Variants in COPB1 observed in about 807,000 individuals in gnomAD.
COPB1 encodes coat protein complex I subunit beta 1.
In COPB1, 21 loss-of-function variants were observed where a neutral mutation model predicts 108.7. That is an observed-to-expected ratio of 0.19 (90% confidence interval 0.14 to 0.28). The LOEUF (loss-of-function observed/expected upper bound fraction) is 0.28, where lower values mean the gene tolerates loss of function less well. Ranked by LOEUF, COPB1 falls within the 10% of genes least tolerant of loss-of-function variation. COPB1 has a pLI of 1.00. For missense variants in COPB1, 919 were observed against 1,141.3 expected (o/e 0.81, Z 2.81); for synonymous variants, 378 against 386.8 (o/e 0.98, Z 0.27).
chr11:14,490,680 CT>C lies in COPB1; in HGVS notation c.492-2del, dbSNP rs1850878927. ...ATCAGGTATAAGATGTTCAAAATTT[CT>C]TTAAATAAAACAGGTAACATCCATA... On this transcript the variant is annotated splice_acceptor_variant, in intron 4 of 21. Transcript: ENST00000439561. LOFTEE classifies it high-confidence loss of function. 6.4e-7 allele frequency: 1 copy of C among 1,574,432 alleles called. No individual in the cohort carries two copies. Among genetic ancestry groups the C allele is most frequent in the African/African-American group, 1.4e-5 (1 of 73,800 alleles).
At chr11:14,463,393 C>G (rs1850202627) in intron 18 of COPB1, among the ~76,000 whole-genome samples, 1 of 152,246 alleles carries the variant, frequency 6.6e-6, no homozygotes. Flanking sequence ...TCTCGGCTCA[C>G]TGTAACCTCT....
chr11:14,486,357 T>A lies in COPB1; in HGVS notation c.837+10A>T. ...TCATCTAATCTGGCCCCAAAAGAAA[T>A]ACACAGTACCTTGATTGCAGTTGGT... On this transcript the variant is annotated intron_variant, in intron 7 of 21. Coordinates refer to ENST00000439561, the MANE Select transcript of COPB1 (RefSeq NM_001144061.2). 3 of 1,613,570 alleles carry A rather than the reference T, an allele frequency of 1.9e-6. No homozygotes were observed. Among genetic ancestry groups the A allele is most frequent in the Non-Finnish European group, 2.5e-6 (3 of 1,179,812 alleles).
Position 14,481,091 on chromosome 11 carries a change from C to A in COPB1, c.964G>T (p.Val322Phe). ...CTCAATACTCTTAGGATATCCATAA[C>A]CAGATCCTAAAAAAGAAGAAAAAAT... ...PAHERVLQDL[V>F]MDILRVLSTP... The change falls in exon 9 of 22, where the codon GTT becomes TTT. Residue 322 changes from valine to phenylalanine, a missense_variant. Around this residue, in one of 5 missense-constraint regions of COPB1, gnomAD observed 705 missense variants for 817.8 expected, o/e 0.86. Coordinates refer to ENST00000439561, the MANE Select transcript of COPB1 (RefSeq NM_001144061.2). 6.2e-7 allele frequency: 1 copy of A among 1,602,496 alleles called. No homozygotes were observed. Among genetic ancestry groups the A allele is most frequent in the Non-Finnish European group, 8.5e-7 (1 of 1,176,530 alleles).
chr11:14,469,409 A>G lies in COPB1; in HGVS notation c.1892T>C (p.Phe631Ser), dbSNP rs2134100940. The change falls in exon 15 of 22, where the codon TTC becomes TCC. Residue 631 changes from phenylalanine (F) to serine (S), a missense_variant. This residue lies in a region of COPB1 where 705 missense variants were observed against 817.8 expected (regional missense o/e 0.86). Coordinates refer to ENST00000439561, the MANE Select transcript of COPB1 (RefSeq NM_001144061.2). ...SECSPLMNDI[F>S]NKECRQSLSH... The stretch of plus-strand genomic sequence containing the variant: ...AAGGGACTGTCTGCATTCCTTATTG[A>G]AAATGTCATTCATTAAAGGTGAACA... 1 of 1,614,182 alleles carries G rather than the reference A, an allele frequency of 6.2e-7. No homozygotes were observed. The highest frequency in any genetic ancestry group is 8.5e-7 in the Non-Finnish European group (1 of 1,180,016).
Position 14,465,004 on chromosome 11 carries a change from A to G in COPB1, c.2317T>C (p.Ser773Pro). ...TCATGAGGAGCAAGAGTCAAAGGAGACGGCTTTTCCACAAGTTTCAGATCC... is the reference window on the plus strand; with the variant it reads ...TCATGAGGAGCAAGAGTCAAAGGAGGCGGCTTTTCCACAAGTTTCAGATCC... Reference protein sequence around the residue: ...LGDLKLVEKPSPLTLAPHDFA... With the variant: ...LGDLKLVEKPPPLTLAPHDFA... The change falls in exon 18 of 22, where the codon TCT becomes CCT. Residue 773 changes from serine to proline, a missense_variant. Physicochemically the swap from Ser to Pro is moderately conservative, Grantham distance 74. Around this residue, in one of 5 missense-constraint regions of COPB1, gnomAD observed 705 missense variants for 817.8 expected, o/e 0.86. Transcript: ENST00000439561. 6.2e-7 allele frequency: 1 copy of G among 1,612,196 alleles called. No individual in the cohort carries two copies. Among genetic ancestry groups the G allele is most frequent in the Non-Finnish European group, 8.5e-7 (1 of 1,179,158 alleles).
At chr11:14,493,503 C>A in intron 4 of COPB1, 139 bp downstream of exon 4, 1 of 634,950 alleles carries the variant, frequency 1.6e-6, no homozygotes, top group Non-Finnish European at 2.4e-6. Context: ...TTTCAATGTT[C>A]ATAATAAAAA....
In COPB1 at chr11:14,495,561, G is replaced by A. The variant is rs144105655; in HGVS notation, c.92-1122C>T. 2.4e-3 allele frequency among the ~76,000 whole-genome samples: 368 copies of A among 152,208 alleles called. 2 individuals are homozygous for A. The highest frequency in any genetic ancestry group is 8.5e-3 in the African/African-American group (353 of 41,538). ...GTATTTTTACTAGAGATGGGGTTTC[G>A]CCATGTTGGCCACGCTGGTCTCGAA... On this transcript the variant is annotated intron_variant, in intron 2 of 21. Coordinates refer to ENST00000439561, the MANE Select transcript of COPB1 (RefSeq NM_001144061.2).
intron 2 of COPB1, among the ~76,000 whole-genome samples, chr11:14,495,150 G>T (rs538863694): frequency 3.3e-5 from 5 of 152,100 alleles, no homozygotes; most frequent in Non-Finnish European, 5.9e-5. Context: ...AGTATTTTAC[G>T]CAAAACTATC....
Position 14,481,019 on chromosome 11 carries a change from C to T in COPB1, c.1036G>A (p.Asp346Asn). 1.9e-6 allele frequency: 3 copies of T among 1,613,938 alleles called. No individual in the cohort carries two copies. The highest frequency in any genetic ancestry group is 2.5e-6 in the Non-Finnish European group (3 of 1,179,948). Residue 346 changes from aspartate (D) to asparagine (N), a missense_variant, in exon 9 of 22, where the codon GAT becomes AAT. Around this residue, in one of 5 missense-constraint regions of COPB1, gnomAD observed 705 missense variants for 817.8 expected, o/e 0.86. Transcript: ENST00000439561. ...TCAACATTTCTAGAAGAGACAAGAT[C>T]CAGTGCTAACTGCAGAGTTTTCTTT... Reference protein sequence around the residue: ...VRKKTLQLALDLVSSRNVEEL... With the variant: ...VRKKTLQLALNLVSSRNVEEL...
At chr11:14,495,379 T>C (rs1450972471) in intron 2 of COPB1, among the ~76,000 whole-genome samples, 2 of 152,168 alleles carry the variant, frequency 1.3e-5, no homozygotes, top group African/African-American at 2.4e-5. Flanking sequence ...CTACAACTAA[T>C]GGGTAGTAGT....
At chr11:14,491,186 AG>A (rs961740179) in intron 4 of COPB1, among the ~76,000 whole-genome samples, 5 of 152,126 alleles carry the variant, frequency 3.3e-5, no homozygotes, top group African/African-American at 1.2e-4. Context: ...CTGGGACTAC[AG>A]GCACGTGCCA....
chr11:14,493,717 G>A lies in COPB1; in HGVS notation c.416C>T (p.Ala139Val). 2 of 1,613,842 alleles carry A rather than the reference G, an allele frequency of 1.2e-6. No individual in the cohort carries two copies. The highest frequency in any genetic ancestry group is 1.7e-6 in the Non-Finnish European group (2 of 1,179,906). Residue 139 changes from alanine (A) to valine (V), a missense_variant, in exon 4 of 22, where the codon GCT becomes GTT. Physicochemically the swap from Ala to Val is moderately conservative, Grantham distance 64. Around this residue, in one of 5 missense-constraint regions of COPB1, gnomAD observed 22 missense variants for 58.8 expected, o/e 0.37. Coordinates refer to ENST00000439561, the MANE Select transcript of COPB1 (RefSeq NM_001144061.2). ...EAELLEPLMPAIRACLEHRHS... is the reference protein window; with the variant it reads ...EAELLEPLMPVIRACLEHRHS... Reference sequence around the variant, plus strand: ...TCGATGCTCCAAACATGCACGAATAGCTGGCATTAAAGGTTCTAGCAATTC... The same window carrying A: ...TCGATGCTCCAAACATGCACGAATAACTGGCATTAAAGGTTCTAGCAATTC...
chr11:14,492,584 C>T (rs986336428), intron 4 of COPB1, among the ~76,000 whole-genome samples: 1 of 151,722 alleles, frequency 6.6e-6, no homozygotes, highest in South Asian at 2.1e-4. Context: ...CTCAGGTTAT[C>T]GGCCCGCCTC....
rs200928390 is a variant in COPB1, at chr11:14,461,295, C to T, written c.2447G>A (p.Cys816Tyr). 2.5e-6 allele frequency: 4 copies of T among 1,614,042 alleles called. No homozygotes were observed. Among genetic ancestry groups the T allele is most frequent in the Non-Finnish European group, 3.4e-6 (4 of 1,180,040 alleles). ...DVSGAASDRN[C>Y]VVLSDIHIDI... is the part of the protein sequence containing the mutation. ...GATGTGAATATCACTGAGAACCACA[C>T]AATTTCTGTCACTTGCTGCTCCAGA... is the stretch of plus-strand genomic sequence containing the variant. The change falls in exon 19 of 22, where the codon TGT becomes TAT. Residue 816 changes from cysteine to tyrosine, a missense_variant. Coordinates refer to ENST00000439561, the MANE Select transcript of COPB1 (RefSeq NM_001144061.2).
At chr11:14,477,210 C>T (rs928586392) in intron 11 of COPB1, among the ~76,000 whole-genome samples, 195 bp from the exon 12 acceptor site, 2 of 151,170 alleles carry the variant, frequency 1.3e-5, no homozygotes, top group East Asian at 2.0e-4. Flanking sequence ...GGTGAAATCA[C>T]GTCTCTACTA....
chr11:14,483,328 C>T lies in COPB1; in HGVS notation c.838-177G>A, dbSNP rs138977526. 4.4e-3 allele frequency among the ~76,000 whole-genome samples: 672 copies of T among 151,894 alleles called. 2 individuals carry two copies. The highest frequency in any genetic ancestry group is 7.3e-3 in the Non-Finnish European group (497 of 67,966). On this transcript the variant is annotated intron_variant, in intron 7 of 21. Transcript: ENST00000439561. ...GAGTTTATATATTATACATTTTGTTCTGAGGAATGGGTTCCTCTAGTCCCT... is the reference window on the plus strand; with the variant it reads ...GAGTTTATATATTATACATTTTGTTTTGAGGAATGGGTTCCTCTAGTCCCT...
chr11:14,482,128 C>G (rs548704819), intron 8 of COPB1, among the ~76,000 whole-genome samples: 2 of 152,096 alleles, frequency 1.3e-5, no homozygotes, highest in African/African-American at 2.4e-5. Context: ...TTTAGTGTAT[C>G]TCTCTCAAGG....
intron 18 of COPB1, among the ~76,000 whole-genome samples, chr11:14,462,294 A>G (rs1363121926): frequency 6.8e-6 from 1 of 146,094 alleles, no homozygotes; most frequent in Non-Finnish European, 1.5e-5. Context: ...GTGCAGTGGC[A>G]CAATCTCAGC....
chr11:14,483,223 GCACACCACACACACACACACACACACACA>G, intron 7 of COPB1, 72 bp from the exon 8 acceptor site: 1 of 938,492 alleles, frequency 1.1e-6, no homozygotes, highest in Non-Finnish European at 1.5e-6. Flanking sequence ...GCATGCGCGC[GCACACCACACACACACACACACACACACA>G]CACACACTCC....
Sources: gnomAD v4.1 joint callset for allele counts (sites outside exome capture counted in the v4.1 genomes callset) on GRCh38, gnomAD v4.1.1 for gene constraint, gnomAD v4.1.1 regional missense constraint, MANE v1.5 for transcripts, NCBI Gene and HGNC (gene_info 2026-07-23, HGNC 2026-07-21) for gene names.